The following CSMD1 variants were observed in gnomAD, a reference collection of about 807,000 sequenced individuals.
CSMD1 encodes CUB and Sushi multiple domains 1.
In CSMD1, 213 loss-of-function variants were observed where a neutral mutation model predicts 417.5. The observed-to-expected ratio is 0.51, with a 90% CI of 0.46 to 0.57. The LOEUF is 0.57. Ranked by LOEUF, CSMD1 falls within the 20% of genes least tolerant of loss-of-function variation. The pLI is 0.00. For missense variants in CSMD1, 6,923 were observed against 4,529.7 expected (o/e 1.53, Z -15.17); for synonymous variants, 2,862 against 1,736.8 (o/e 1.65, Z -16.11).
intron 7 of CSMD1, among the ~76,000 whole-genome samples, chr8:3,680,962 G>C (rs1344172286): frequency 6.6e-6 from 1 of 152,132 alleles, no homozygotes; most frequent in Non-Finnish European, 1.5e-5. Flanking sequence ...AACAGATGCA[G>C]AAAAAGCCTT....
intron 23 of CSMD1, among the ~76,000 whole-genome samples, chr8:3,339,682 A>G (rs562989968): frequency 2.1e-4 from 32 of 152,326 alleles, no homozygotes; most frequent in African/African-American, 7.2e-4. Flanking sequence ...TGCCTGATAC[A>G]GCTCTGTGGA....
intron 48 of CSMD1, among the ~76,000 whole-genome samples, chr8:3,087,733 T>C (rs1314481497): frequency 6.6e-6 from 1 of 152,260 alleles, no homozygotes; most frequent in Non-Finnish European, 1.5e-5. Flanking sequence ...CTGCGCTGTA[T>C]GCAGCCCACA....
chr8:4,669,649 C>A (rs1001338218), intron 1 of CSMD1, among the ~76,000 whole-genome samples: 1 of 152,168 alleles, frequency 6.6e-6, no homozygotes, highest in African/African-American at 2.4e-5. Flanking sequence ...CAACAAAGTT[C>A]TTAACATTTT....
intron 25 of CSMD1, among the ~76,000 whole-genome samples, chr8:3,300,069 C>G (rs986780331): frequency 1.3e-5 from 2 of 152,082 alleles, no homozygotes; most frequent in African/African-American, 2.4e-5. Flanking sequence ...CCTGAATATT[C>G]CAAAAGGGTG....
At chr8:4,568,440 G>A (rs756545847) in intron 2 of CSMD1, among the ~76,000 whole-genome samples, 46 of 152,224 alleles carry the variant, frequency 3.0e-4, no homozygotes, top group Non-Finnish European at 5.7e-4. Flanking sequence ...CCTTGCAAAT[G>A]ACATGAACTC....
chr8:4,868,898 G>A (rs1012209086), intron 1 of CSMD1, among the ~76,000 whole-genome samples: 21 of 151,876 alleles, frequency 1.4e-4, no homozygotes, highest in East Asian at 3.9e-4. Context: ...ATATTTGCAC[G>A]TTTTCTAACA....
intron 5 of CSMD1, among the ~76,000 whole-genome samples, chr8:3,810,083 T>A (rs376392425): frequency 6.6e-6 from 1 of 152,156 alleles, no homozygotes; most frequent in Admixed American, 6.5e-5. Flanking sequence ...GCTTGTCACA[T>A]TTAAATGTTT....
intron 3 of CSMD1, among the ~76,000 whole-genome samples, chr8:4,284,398 G>C (rs1032168534): frequency 5.5e-5 from 5 of 91,690 alleles, no homozygotes; most frequent in Non-Finnish European, 9.7e-5. Flanking sequence ...AAAAGAGAAA[G>C]GTTGTTCTTC....
chr8:4,267,768 G>C (rs752473105), intron 3 of CSMD1, among the ~76,000 whole-genome samples: 6 of 152,112 alleles, frequency 3.9e-5, no homozygotes, highest in Non-Finnish European at 8.8e-5. Flanking sequence ...GCATCAGAAT[G>C]CATATTTTAT....
At chr8:3,068,362 G>A (rs767788614) in intron 49 of CSMD1, among the ~76,000 whole-genome samples, 2 of 151,836 alleles carry the variant, frequency 1.3e-5, no homozygotes, top group South Asian at 4.2e-4. Context: ...GACTTTTTTA[G>A]ACTCTCCAAG....
chr8:4,416,154 G>A (rs982256574), intron 3 of CSMD1, among the ~76,000 whole-genome samples: 1 of 152,120 alleles, frequency 6.6e-6, no homozygotes, highest in African/African-American at 2.4e-5. Flanking sequence ...TCTATACAAA[G>A]CAAGTAGTGA....
chr8:3,702,819 A>T (rs1800944780), intron 7 of CSMD1, among the ~76,000 whole-genome samples: 1 of 152,082 alleles, frequency 6.6e-6, no homozygotes, highest in Admixed American at 6.5e-5. Flanking sequence ...ACAGAACGAG[A>T]CTCTGTCTCA....
intron 3 of CSMD1, among the ~76,000 whole-genome samples, chr8:4,395,746 G>T (rs917029388): frequency 1.6e-4 from 23 of 148,122 alleles, no homozygotes; most frequent in African/African-American, 5.7e-4. Context: ...TTTCTGCTGT[G>T]TAAGCATTTG....
chr8:3,776,946 T>G (rs942122984), intron 5 of CSMD1, among the ~76,000 whole-genome samples: 2 of 151,934 alleles, frequency 1.3e-5, no homozygotes, highest in Non-Finnish European at 2.9e-5. Flanking sequence ...ACTCTTGATC[T>G]CAAGTGATTC....
intron 15 of CSMD1, among the ~76,000 whole-genome samples, chr8:3,400,283 C>T (rs1811959224): frequency 6.6e-6 from 1 of 152,040 alleles, no homozygotes; most frequent in Admixed American, 6.5e-5. Context: ...TTTATGTATT[C>T]TCTCTCAAAA....
chr8:4,983,764 A>G (rs918231960), intron 1 of CSMD1, among the ~76,000 whole-genome samples: 3 of 152,044 alleles, frequency 2.0e-5, no homozygotes, highest in East Asian at 1.9e-4. Flanking sequence ...ACAGTTTCCT[A>G]CATCATGACT....
At chr8:3,400,437 G>C (rs1563348766) in intron 15 of CSMD1, among the ~76,000 whole-genome samples, 2 of 152,072 alleles carry the variant, frequency 1.3e-5, no homozygotes, top group South Asian at 4.1e-4. Flanking sequence ...AATGCAAAAA[G>C]TTTATATCAT....
intron 37 of CSMD1, among the ~76,000 whole-genome samples, chr8:3,171,795 G>C (rs899648115): frequency 1.3e-5 from 2 of 152,176 alleles, no homozygotes; most frequent in African/African-American, 4.8e-5. Flanking sequence ...TGAAATACAT[G>C]CTTTGTAGTA....
At chr8:4,207,375 T>C (rs1271637329) in intron 3 of CSMD1, among the ~76,000 whole-genome samples, 1 of 152,162 alleles carries the variant, frequency 6.6e-6, no homozygotes, top group East Asian at 1.9e-4. Flanking sequence ...TTTAGATAAA[T>C]TCACACACTC....
Sources: allele counts gnomAD v4.1 joint callset (sites outside exome capture counted in the v4.1 genomes callset), GRCh38; gene constraint gnomAD v4.1.1; transcripts MANE v1.5; gene names NCBI Gene and HGNC (gene_info 2026-07-23, HGNC 2026-07-21).